RAB10: variants seen among roughly 807,000 people sequenced by gnomAD.
The protein encoded by RAB10 is RAB10, member RAS oncogene family.
In RAB10, 5 loss-of-function variants were observed where a neutral mutation model predicts 25.7. The observed-to-expected ratio is 0.19, with a 90% CI of 0.10 to 0.41. The LOEUF is 0.41. Among genes scored for constraint, RAB10 ranks in the 10% least tolerant of loss-of-function variants. The pLI, the probability that RAB10 is intolerant of heterozygous loss-of-function variation, is 1.00. For synonymous variants in RAB10, 89 were observed against 86.4 expected, an observed-to-expected ratio of 1.03 and a Z score of -0.16; for missense variants, 103 against 245.8, an observed-to-expected ratio of 0.42 and a Z score of 3.89.
chr2:26,035,459 G>T (rs955018076), intron 1 of RAB10, among the ~76,000 whole-genome samples: 9 of 152,194 alleles, frequency 5.9e-5, no homozygotes, highest in Middle Eastern at 3.2e-3. Context: ...GCCAGTCATA[G>T]CCCTATGGAC....
chr2:26,094,592 A>G (rs1389914553), intron 1 of RAB10, among the ~76,000 whole-genome samples: 1 of 140,110 alleles, frequency 7.1e-6, no homozygotes, highest in African/African-American at 2.7e-5. Flanking sequence ...ATAGCTTTGC[A>G]CTGTTGCCCA....
At chr2:26,087,086 T>C (rs1405970168) in intron 1 of RAB10, among the ~76,000 whole-genome samples, 3 of 152,004 alleles carry the variant, frequency 2.0e-5, no homozygotes, top group Non-Finnish European at 4.4e-5. Flanking sequence ...CTTTATTTTT[T>C]CTTTTTTTTT....
chr2:26,122,826 C>T (rs1268296742), intron 3 of RAB10, among the ~76,000 whole-genome samples: 1 of 151,922 alleles, frequency 6.6e-6, no homozygotes, highest in Non-Finnish European at 1.5e-5. Context: ...CTGACTAAGA[C>T]ACAGCAGACA....
chr2:26,054,025 T>C (rs1038449048), intron 1 of RAB10, among the ~76,000 whole-genome samples: 1 of 150,404 alleles, frequency 6.6e-6, no homozygotes, highest in African/African-American at 2.4e-5. Flanking sequence ...TTTTTTTTTT[T>C]TTCCCTTCTG....
intron 3 of RAB10, among the ~76,000 whole-genome samples, chr2:26,110,389 GT>G (rs1667545419): frequency 1.3e-5 from 2 of 148,852 alleles, no homozygotes; most frequent in African/African-American, 5.0e-5. Context: ...TTTTTCTTAA[GT>G]TTTTGGACAG....
At chr2:26,035,989 C>T (rs980867087) in intron 1 of RAB10, among the ~76,000 whole-genome samples, 6 of 152,124 alleles carry the variant, frequency 3.9e-5, no homozygotes, top group African/African-American at 1.4e-4. Flanking sequence ...TCCTTATTTC[C>T]AGAGTATCAT....
chr2:26,132,408 C>G (rs1341034750), intron 5 of RAB10, among the ~76,000 whole-genome samples: 2 of 152,158 alleles, frequency 1.3e-5, no homozygotes, highest in Non-Finnish European at 2.9e-5. Context: ...AGCCCGCCAC[C>G]ACGCCTGGCG....
At chr2:26,129,268 CAAA>C (rs58007291) in intron 5 of RAB10, among the ~76,000 whole-genome samples, 115 of 133,502 alleles carry the variant, frequency 8.6e-4, no homozygotes, top group African/African-American at 3.2e-3. Flanking sequence ...GACTCCATCT[CAAA>C]AAAAAAAAAA....
intron 1 of RAB10, among the ~76,000 whole-genome samples, chr2:26,059,075 C>T (rs757888074): frequency 2.0e-5 from 3 of 152,048 alleles, no homozygotes; most frequent in Admixed American, 6.6e-5. Context: ...AATCATAGAC[C>T]ACATTTAACA....
intron 4 of RAB10, among the ~76,000 whole-genome samples, 175 bp from the exon 5 acceptor site, chr2:26,127,675 G>A (rs1433562424): frequency 3.9e-5 from 6 of 152,150 alleles, no homozygotes; most frequent in Non-Finnish European, 8.8e-5. Flanking sequence ...GGGGTAAGGA[G>A]ATTACTTTTC....
chr2:26,097,565 A>G (rs1278751004), intron 1 of RAB10, among the ~76,000 whole-genome samples: 1 of 152,218 alleles, frequency 6.6e-6, no homozygotes, highest in Non-Finnish European at 1.5e-5. Context: ...GGCGTGAGCC[A>G]CCGTGCCTGG....
intron 1 of RAB10, among the ~76,000 whole-genome samples, chr2:26,051,641 C>T (rs1666136084): frequency 6.6e-6 from 1 of 151,052 alleles, no homozygotes; most frequent in African/African-American, 2.4e-5. Context: ...GTAGTCCCAG[C>T]TACTCGGGAG....
rs1665707034 is a variant in RAB10 at position 26,034,267 on chromosome 2, G to T, written c.-342G>T. The T allele has an allele frequency of 2.0e-6, 1 of 500,598 alleles. No individual in the cohort carries two copies. The highest frequency in any genetic ancestry group is 3.6e-6 in the Non-Finnish European group (1 of 281,394). The allele number at this position is 500,598 out of a possible 1,614,324, so 31.0% of individuals were successfully genotyped here. ...GAGAGACTGTCCTCACGCCCGCTGC[G>T]CCTCCTCGACGGCAGAGCAGGCTTG... On this transcript the variant is annotated 5_prime_UTR_variant, in exon 1 of 6. Transcript: ENST00000264710.
At chr2:26,080,337 C>G (rs185112153) in intron 1 of RAB10, among the ~76,000 whole-genome samples, 1 of 152,094 alleles carries the variant, frequency 6.6e-6, no homozygotes, top group South Asian at 2.1e-4. Context: ...TAGGCAAATA[C>G]TACACTAAAA....
At chr2:26,076,004 A>G (rs1021364955) in intron 1 of RAB10, among the ~76,000 whole-genome samples, 7 of 152,144 alleles carry the variant, frequency 4.6e-5, no homozygotes, top group Admixed American at 1.3e-4. Context: ...AAAAGAAGGC[A>G]GACATTTGGC....
Position 26,034,366 on chromosome 2 carries a change from C to G in RAB10, c.-243C>G. 2 of 593,956 alleles carry G rather than the reference C, an allele frequency of 3.4e-6. No individual in the cohort carries two copies. The highest frequency in any genetic ancestry group is 6.0e-6 in the Non-Finnish European group (2 of 335,156). The allele number at this position is 593,956 out of a possible 1,614,324, so 36.8% of individuals were successfully genotyped here. A position where few individuals can be genotyped will look rare whatever the true frequency, so the allele number is the denominator to read the frequency against. Reference sequence around the variant, plus strand: ...GGCCATTTTGTCCCGACCGACTCCCCGGAACCGGGCGGACGGGCTGGGAGA... The same window carrying G: ...GGCCATTTTGTCCCGACCGACTCCCGGGAACCGGGCGGACGGGCTGGGAGA... On this transcript the variant is annotated 5_prime_UTR_variant, in exon 1 of 6. Coordinates refer to ENST00000264710, the MANE Select transcript of RAB10 (RefSeq NM_016131.5).
At chr2:26,052,470 ATTTTTTTTTT>A (rs10712935) in intron 1 of RAB10, among the ~76,000 whole-genome samples, 1 of 114,548 alleles carries the variant, frequency 8.7e-6, no homozygotes, top group South Asian at 2.8e-4. Flanking sequence ...CCGTGAGCCA[ATTTTTTTTTT>A]TTTTTTTTTT....
chr2:26,076,492 A>G (rs1666738087), intron 1 of RAB10, among the ~76,000 whole-genome samples: 1 of 152,348 alleles, frequency 6.6e-6, no homozygotes, highest in African/African-American at 2.4e-5. Context: ...TGATAAGGAC[A>G]TAAGATACTG....
chr2:26,035,456 A>G (rs1453228542), intron 1 of RAB10, among the ~76,000 whole-genome samples: 1 of 152,240 alleles, frequency 6.6e-6, no homozygotes, highest in African/African-American at 2.4e-5. Flanking sequence ...TTTGCCAGTC[A>G]TAGCCCTATG....
Sources: gnomAD v4.1 joint callset for allele counts (sites outside exome capture counted in the v4.1 genomes callset) on GRCh38, gnomAD v4.1.1 for gene constraint, MANE v1.5 for transcripts, NCBI Gene and HGNC (gene_info 2026-07-23, HGNC 2026-07-21) for gene names.